GPAT4: variants seen among roughly 807,000 people sequenced by gnomAD.
GPAT4 encodes 1-AGP acyltransferase 6.
Under a neutral mutation model 58.0 loss-of-function variants are expected in GPAT4, and 17 were observed. That is an observed-to-expected ratio of 0.29 (90% CI 0.20 to 0.44). The LOEUF is 0.44. GPAT4 is among the 20% of genes least tolerant of loss of function. GPAT4 has a pLI of 1.00. For missense variants in GPAT4, 377 were observed against 574.5 expected (o/e 0.66, Z 3.51); for synonymous variants, 204 against 210.1 (o/e 0.97, Z 0.25).
intron 1 of GPAT4, among the ~76,000 whole-genome samples, chr8:41,582,231 T>G (rs1414321831): frequency 6.6e-6 from 1 of 151,424 alleles, no homozygotes; most frequent in Non-Finnish European, 1.5e-5. Context: ...CTCGAACTCC[T>G]GACCTCAGGT....
At position 41,599,040 on chromosome 8, in the gene GPAT4, C is replaced by A; in HGVS notation, c.-100C>A. The stretch of plus-strand genomic sequence containing the variant: ...AATGGGGTTTGCTGTTCTTCGGGAA[C>A]TTGCTTCCTTTCCCTGGCTGGTGCT... On this transcript the variant is annotated 5_prime_UTR_variant, in exon 2 of 13. Transcript: ENST00000396987. 6.8e-7 allele frequency: 1 copy of A among 1,466,596 alleles called. No homozygotes were observed. The highest frequency in any genetic ancestry group is 9.2e-7 in the Non-Finnish European group (1 of 1,091,444). The allele number at this position is 1,466,596 out of a possible 1,614,324, so 90.8% of individuals were successfully genotyped here.
intron 12 of GPAT4, among the ~76,000 whole-genome samples, chr8:41,620,143 C>G (rs540796666): frequency 6.6e-6 from 1 of 152,312 alleles, no homozygotes; most frequent in African/African-American, 2.4e-5. Flanking sequence ...TATGCCTTTG[C>G]TATGGATTTT....
At chr8:41,608,144 T>C (rs918627055) in intron 2 of GPAT4, among the ~76,000 whole-genome samples, 2 of 152,232 alleles carry the variant, frequency 1.3e-5, no homozygotes, top group Non-Finnish European at 2.9e-5. Flanking sequence ...CTTTGCGTGG[T>C]GACTTTGTGA....
Position 41,585,190 on chromosome 8 carries a change from G to A in GPAT4, c.-849+6912G>A, listed in dbSNP as rs917427449. Among the ~76,000 whole-genome samples the A allele has an allele frequency of 4.6e-5, 7 of 152,176 alleles. No individual in the cohort carries two copies. In the South Asian group the frequency reaches 8.3e-4, roughly 18 times the overall value. On this transcript the variant is annotated intron_variant, in intron 1 of 12. Transcript: ENST00000396987. The stretch of plus-strand genomic sequence containing the variant: ...CACATTTCCTCATGCCTGTGTGTGC[G>A]TGTTTGTTTACATTACAGTTGGGGC...
chr8:41,592,121 T>G (rs1802805840), intron 1 of GPAT4, among the ~76,000 whole-genome samples: 1 of 152,214 alleles, frequency 6.6e-6, no homozygotes, highest in Admixed American at 6.5e-5. Context: ...CTATGCTTCT[T>G]TTTTTGCAGG....
At position 41,609,720 on chromosome 8, in the gene GPAT4, A is replaced by G. The variant is rs1375787922; in HGVS notation, c.301A>G (p.Ser101Gly). 1 of 1,614,124 alleles carries G rather than the reference A, an allele frequency of 6.2e-7. No individual in the cohort carries two copies. The highest frequency in any genetic ancestry group is 1.3e-5 in the African/African-American group (1 of 75,054). ...CAAAGAGATTCGTCGAAGTGGTAGT[A>G]GTAAGGCTCTGGACAACACTCCAGA... The part of the protein sequence containing the change: ...EIKEIRRSGS[S>G]KALDNTPEFE... Residue 101 changes from serine to glycine, a missense_variant, in exon 4 of 13, where the codon AGT becomes GGT. By Grantham distance (56) the Ser-to-Gly change is moderately conservative (BLOSUM62 0). Transcript: ENST00000396987.
At position 41,618,799 on chromosome 8, in the gene GPAT4, C is replaced by A. The variant is rs764802073; in HGVS notation, c.1169C>A (p.Pro390His). The A allele has an allele frequency of 9.9e-6, 16 of 1,614,116 alleles. No homozygotes were observed. In the African/African-American group the frequency reaches 2.0e-4, roughly 20 times the overall value. Residue 390 changes from proline (P) to histidine (H), a missense_variant, in exon 11 of 13, where the codon CCC becomes CAC. Coordinates refer to ENST00000396987, the MANE Select transcript of GPAT4 (RefSeq NM_178819.4). Reference sequence around the variant, plus strand: ...GTCTGCAGCGTGTGGTACCTGCCTCCCATGACTAGAGAGGTGAGTGCCTGC... The same window carrying A: ...GTCTGCAGCGTGTGGTACCTGCCTCACATGACTAGAGAGGTGAGTGCCTGC... ...AIVCSVWYLP[P>H]MTREADEDAV...
chr8:41,611,724 C>CT (rs1262235212), intron 5 of GPAT4, among the ~76,000 whole-genome samples, 179 bp from the exon 6 acceptor site: 1 of 152,322 alleles, frequency 6.6e-6, no homozygotes, highest in East Asian at 1.9e-4. Context: ...CCTGTCCCCT[C>CT]TTTCTCTCCT....
intron 1 of GPAT4, chr8:41,584,751 T>C (rs965339923): frequency 2.6e-5 from 4 of 152,244 alleles, no homozygotes; most frequent in African/African-American, 9.6e-5. Context: ...TTGGTTTTGT[T>C]TTCTGTTTTT....
chr8:41,578,938 T>G, intron 1 of GPAT4, among the ~76,000 whole-genome samples: 1 of 152,156 alleles, frequency 6.6e-6, no homozygotes, highest in East Asian at 1.9e-4. Flanking sequence ...ACGATGGAAA[T>G]AAGTTCCATC....
At chr8:41,585,548 C>G (rs1585648162) in intron 1 of GPAT4, among the ~76,000 whole-genome samples, 3 of 152,150 alleles carry the variant, frequency 2.0e-5, no homozygotes, top group African/African-American at 7.2e-5. Context: ...GTAGAAGCTT[C>G]TATTTATAGA....
chr8:41,583,887 C>T (rs959851921), intron 1 of GPAT4, among the ~76,000 whole-genome samples: 2 of 152,038 alleles, frequency 1.3e-5, no homozygotes, highest in African/African-American at 2.4e-5. Flanking sequence ...CGAATTTGTG[C>T]GCTTGTGATG....
intron 7 of GPAT4, 38 bp from the exon 8 acceptor site, chr8:41,612,807 A>C (rs977247047): frequency 6.4e-7 from 1 of 1,557,372 alleles, no homozygotes; most frequent in Admixed American, 1.7e-5. Flanking sequence ...TCGTGTGAAG[A>C]TGGCTTCACT....
At chr8:41,583,285 A>G (rs1802570945) in intron 1 of GPAT4, among the ~76,000 whole-genome samples, 1 of 151,876 alleles carries the variant, frequency 6.6e-6, no homozygotes, top group Non-Finnish European at 1.5e-5. Flanking sequence ...CTACTTTGCT[A>G]TTGAATACTG....
intron 4 of GPAT4, chr8:41,610,423 G>A: frequency 7.9e-7 from 1 of 1,258,214 alleles, no homozygotes. Flanking sequence ...CCAGCCAAAG[G>A]GAAGGGGAGG....
rs186508281 is a variant in GPAT4, at chr8:41,621,027, C to T, written c.*26C>T. 8.5e-4 allele frequency: 1,324 copies of T among 1,550,278 alleles called. 1 individual carries two copies. Among genetic ancestry groups the T allele is most frequent in the Non-Finnish European group, 1.1e-3 (1,242 of 1,146,910 alleles). On this transcript the variant is annotated 3_prime_UTR_variant, in exon 13 of 13. Transcript: ENST00000396987. Reference sequence around the variant, plus strand: ...GCCTGCCTCCAGCTGGCTGGGGCCACCGTGCGGGGTGCCAACGGGCTCAGA... The same window carrying T: ...GCCTGCCTCCAGCTGGCTGGGGCCATCGTGCGGGGTGCCAACGGGCTCAGA...
chr8:41,583,528 A>C (rs777822566), intron 1 of GPAT4, among the ~76,000 whole-genome samples: 14 of 152,230 alleles, frequency 9.2e-5, no homozygotes, highest in Non-Finnish European at 1.5e-4. Context: ...TAGTTTATCC[A>C]GAATATTACT....
At chr8:41,581,919 C>T (rs1260647080) in intron 1 of GPAT4, among the ~76,000 whole-genome samples, 1 of 148,170 alleles carries the variant, frequency 6.7e-6, no homozygotes, top group Non-Finnish European at 1.5e-5. Flanking sequence ...AGGCGTGAGC[C>T]ATCGCACCCG....
chr8:41,589,374 G>T (rs80044481), intron 1 of GPAT4, among the ~76,000 whole-genome samples: 21 of 123,228 alleles, frequency 1.7e-4, no homozygotes, highest in Admixed American at 4.9e-4. Flanking sequence ...ATGGGATGGG[G>T]TGGGATGGGA....
Sources: allele counts gnomAD v4.1 joint callset (sites outside exome capture counted in the v4.1 genomes callset), GRCh38; gene constraint gnomAD v4.1.1; transcripts MANE v1.5; gene names NCBI Gene and HGNC (gene_info 2026-07-23, HGNC 2026-07-21).